The following NUDT14 variants were observed in gnomAD, a reference collection of about 807,000 sequenced individuals.
NUDT14 encodes the protein nudix hydrolase 14.
NUDT14 carries 22 observed loss-of-function variants against 17.5 expected under a neutral mutation model. That is an observed-to-expected ratio of 1.26 (90% confidence interval 0.90 to 1.80). The LOEUF is 1.80. NUDT14 is among the 40% of genes most tolerant of loss of function. NUDT14 has a pLI of 0.00. For missense variants in NUDT14, 296 were observed against 295.6 expected (o/e 1.00, Z -0.01); for synonymous variants, 129 against 125.8 (o/e 1.03, Z -0.17).
intron 4 of NUDT14, among the ~76,000 whole-genome samples, chr14:105,174,391 C>T (rs751883081): frequency 8.5e-5 from 13 of 152,158 alleles, no homozygotes; most frequent in South Asian, 2.1e-4. Flanking sequence ...AGCCCTGGCT[C>T]GCCGCAGGAG....
Position 105,173,220 on chromosome 14 carries a change from T to C in NUDT14, c.470A>G (p.Tyr157Cys). Residue 157 changes from tyrosine (Y) to cysteine (C), a missense_variant, in exon 5 of 5, where the codon TAC becomes TGC. Tyr to Cys is a radical substitution (Grantham distance 194). Transcript: ENST00000392568. The surrounding 1 kb of genome is among the most constrained non-coding windows in gnomAD (Gnocchi z 4.7). ...GLTGSRQTMF[Y>C]TEVTDAQRSG... ...ACGCTGGGCATCTGTCACCTCTGTG[T>C]AGAACATGGTCTGTCTGGAGCCAGT... is the stretch of plus-strand genomic sequence containing the variant. The C allele has an allele frequency of 2.5e-6, 4 of 1,604,726 alleles. No individual in the cohort carries two copies. Among genetic ancestry groups the C allele is most frequent in the Non-Finnish European group, 3.4e-6 (4 of 1,176,396 alleles).
chr14:105,179,021 A>G (rs1419619255), intron 1 of NUDT14, among the ~76,000 whole-genome samples: 2 of 152,132 alleles, frequency 1.3e-5, no homozygotes, highest in African/African-American at 4.8e-5. Flanking sequence ...CAGCCAGGGC[A>G]GGCTCCAGGG....
rs752515273 is a variant in NUDT14 at position 105,177,709 on chromosome 14, G to A, written c.108C>T (p.Phe36=). ...GCTCTCACCTGTCATGCGTCTTCAT[G>A]AAGTCCCAGGACTTCTGGGCACCAT... ...RQNGAQKSWD[F]MKTHDSVTVL... Residue 36 remains phenylalanine (F), a synonymous_variant, in exon 2 of 5, where the codon TTC becomes TTT. Coordinates refer to ENST00000392568, the MANE Select transcript of NUDT14 (RefSeq NM_177533.5). The A allele has an allele frequency of 3.1e-6, 5 of 1,612,382 alleles. No individual in the cohort carries two copies. The South Asian group carries it at 5.5e-5, about 18-fold the overall frequency.
In NUDT14 at chr14:105,173,698, CCA is replaced by C. The variant is rs1189529254; in HGVS notation, c.429-439_429-438del. The C allele has an allele frequency of 3.3e-4, 51 of 155,834 alleles. No individual in the cohort carries two copies. The highest frequency in any genetic ancestry group is 3.2e-3 in the Admixed American group (50 of 15,386). The allele number at this position is 155,834 out of a possible 1,614,324, so 9.7% of individuals were successfully genotyped here. ...CCAACAGCCAGCAGGGAGGTGGGAC[CCA>C]GTCCCCAGCCACCAGGAGCTGAATT... On this transcript the variant is annotated intron_variant, in intron 4 of 4. Coordinates refer to ENST00000392568, the MANE Select transcript of NUDT14 (RefSeq NM_177533.5). This position sits in a 1 kb window ranked among gnomAD's most constrained non-coding sequence, Gnocchi z 4.7.
At chr14:105,177,285 C>A (rs1889236431) in intron 2 of NUDT14, 1 of 625,382 alleles carries the variant, frequency 1.6e-6, no homozygotes, top group South Asian at 1.7e-5. Context: ...GACACACGGG[C>A]AGCTGAGTAG....
Position 105,176,943 on chromosome 14 carries a change from C to T in NUDT14, c.190+20G>A. ...TGAAGGTGACCCTGCAGATCCCCTT[C>T]CCACCCCAGCTGGCCTCACCTGGCC... On this transcript the variant is annotated intron_variant, in intron 3 of 4. Transcript: ENST00000392568. 1 of 1,610,026 alleles carries T rather than the reference C, an allele frequency of 6.2e-7. No homozygotes were observed. The highest frequency in any genetic ancestry group is 8.5e-7 in the Non-Finnish European group (1 of 1,178,560).
At position 105,181,233 on chromosome 14, in the gene NUDT14, C is replaced by A; in HGVS notation, c.-24G>T. 3.9e-6 allele frequency: 1 copy of A among 254,244 alleles called. No homozygotes were observed. 15.7% of individuals were successfully genotyped at this position (254,244 alleles called of 1,614,324 possible). A position where few individuals can be genotyped will look rare whatever the true frequency, so the allele number is the denominator to read the frequency against. On this transcript the variant is annotated 5_prime_UTR_variant, in exon 1 of 5. Coordinates refer to ENST00000392568, the MANE Select transcript of NUDT14 (RefSeq NM_177533.5). This position sits in a 1 kb window ranked among gnomAD's most constrained non-coding sequence, Gnocchi z 5.0. The stretch of plus-strand genomic sequence containing the variant: ...ATGGCGGCGCCCGGACAGGCGGGGG[C>A]CGCGAGCTCTGCGGGGGCCGACACG...
Position 105,176,589 on chromosome 14 carries a change from C to T in NUDT14, c.373G>A (p.Glu125Lys), listed in dbSNP as rs2141007394. ...GGGGCCAAGTGGTAGCCACACTCCT[C>T]CCAAGCCTCCTTGCAAGCCACTTCC... ...LEEVACKEAW[E>K]ECGYHLAPSD... The change falls in exon 4 of 5, where the codon GAG becomes AAG. Residue 125 changes from glutamate to lysine, a missense_variant. Transcript: ENST00000392568. 6.2e-7 allele frequency: 1 copy of T among 1,612,702 alleles called. No homozygotes were observed. The highest frequency in any genetic ancestry group is 1.1e-5 in the South Asian group (1 of 91,082).
At chr14:105,178,559 T>C (rs1314293700) in intron 1 of NUDT14, among the ~76,000 whole-genome samples, 1 of 152,130 alleles carries the variant, frequency 6.6e-6, no homozygotes, top group Non-Finnish European at 1.5e-5. Flanking sequence ...CTGGAACTGA[T>C]GCATTCTGAG....
intron 1 of NUDT14, among the ~76,000 whole-genome samples, chr14:105,180,269 C>T (rs2141305133): frequency 6.6e-6 from 1 of 152,238 alleles, no homozygotes; most frequent in African/African-American, 2.4e-5. Context: ...AGTTCAAGAC[C>T]AGCCTGGGCA....
In NUDT14 at chr14:105,176,882, C is replaced by T. The variant is rs1229649643; in HGVS notation, c.190+81G>A. On this transcript the variant is annotated intron_variant, in intron 3 of 4. Coordinates refer to ENST00000392568, the MANE Select transcript of NUDT14 (RefSeq NM_177533.5). ...CTCAGCTTCCCCTGGAGCCCCCTCC[C>T]ACATCTGTATTCAGACCCTCAGGAC... is the stretch of plus-strand genomic sequence containing the variant. 7.0e-6 allele frequency: 11 copies of T among 1,561,516 alleles called. 1 individual carries two copies. In the East Asian group the frequency reaches 2.5e-4, roughly 35 times the overall value.
rs758061885 is a variant in NUDT14, at chr14:105,176,992, C to G, written c.161G>C (p.Ser54Thr). 5.0e-6 allele frequency: 8 copies of G among 1,612,004 alleles called. No homozygotes were observed. In the Admixed American group the frequency reaches 6.7e-5, roughly 13 times the overall value. The change falls in exon 3 of 5, where the codon AGC becomes ACC. Residue 54 changes from serine to threonine, a missense_variant. By Grantham distance (58) the Ser-to-Thr change is moderately conservative (BLOSUM62 1). Transcript: ENST00000392568. ...TVLLFNSSRR[S>T]LVLVKQFRPA... ...CCGGAACTGCTTCACCAACACCAGG[C>G]TCCTCCGAGAAGAGTTGAATAAGAG...
chr14:105,179,715 G>A (rs951204655), intron 1 of NUDT14, among the ~76,000 whole-genome samples: 1 of 152,174 alleles, frequency 6.6e-6, no homozygotes, highest in Non-Finnish European at 1.5e-5. Context: ...GCTGTACCCC[G>A]ACTGATCCCA....
rs780215347 is a variant in NUDT14, at chr14:105,173,141, G to A, written c.549C>T (p.His183=). 17 of 1,609,938 alleles carry A rather than the reference G, an allele frequency of 1.1e-5. No homozygotes were observed. The highest frequency in any genetic ancestry group is 4.5e-5 in the East Asian group (2 of 44,796). The change falls in exon 5 of 5, where the codon CAC becomes CAT. Residue 183 remains histidine, a synonymous_variant. Transcript: ENST00000392568. This position sits in a 1 kb window ranked among gnomAD's most constrained non-coding sequence, Gnocchi z 4.7. ...VEEGELIEVV[H]LPLEGAQAFA... Reference sequence around the variant, plus strand: ...AGGCCTGGGCGCCTTCCAGGGGCAGGTGCACCACCTCAATGAGCTCACCCT... The same window carrying A: ...AGGCCTGGGCGCCTTCCAGGGGCAGATGCACCACCTCAATGAGCTCACCCT...
At chr14:105,180,651 G>A (rs1461361324) in intron 1 of NUDT14, among the ~76,000 whole-genome samples, 3 of 152,078 alleles carry the variant, frequency 2.0e-5, no homozygotes, top group African/African-American at 7.2e-5. Flanking sequence ...CCCCAAGGAG[G>A]AAGCCTGCTT....
chr14:105,177,576 G>T, intron 2 of NUDT14, 116 bp downstream of exon 2: 1 of 938,722 alleles, frequency 1.1e-6, no homozygotes, highest in Non-Finnish European at 1.7e-6. Flanking sequence ...GACTTTTGGA[G>T]CCCACGCAGG....
In NUDT14 at chr14:105,172,967, C is replaced by T. The variant is rs1194109293; in HGVS notation, c.*54G>A. 1.4e-5 allele frequency: 20 copies of T among 1,448,492 alleles called. No homozygotes were observed. The highest frequency in any genetic ancestry group is 1.0e-4 in the East Asian group (4 of 39,080). The allele number at this position is 1,448,492 out of a possible 1,614,324, so 89.7% of individuals were successfully genotyped here. A position where few individuals can be genotyped will look rare whatever the true frequency, so the allele number is the denominator to read the frequency against. On this transcript the variant is annotated 3_prime_UTR_variant, in exon 5 of 5. Coordinates refer to ENST00000392568, the MANE Select transcript of NUDT14 (RefSeq NM_177533.5). ...AGCTATGCAAGCCTTTATTGGGGTCCGCGGGGTGTGGGGTGAGTGGCCAAG... is the reference window on the plus strand; with the variant it reads ...AGCTATGCAAGCCTTTATTGGGGTCTGCGGGGTGTGGGGTGAGTGGCCAAG...
chr14:105,180,736 C>T (rs1889308294), intron 1 of NUDT14, among the ~76,000 whole-genome samples: 1 of 152,156 alleles, frequency 6.6e-6, no homozygotes, highest in Non-Finnish European at 1.5e-5. Context: ...TCCTTGCTCC[C>T]TCCTCCTCGG....
At chr14:105,180,552 T>C (rs955869060) in intron 1 of NUDT14, among the ~76,000 whole-genome samples, 1 of 152,196 alleles carries the variant, frequency 6.6e-6, no homozygotes, top group Non-Finnish European at 1.5e-5. Flanking sequence ...TGCCGTGGCC[T>C]GGCATGGGAG....
Sources: gnomAD v4.1 joint callset for allele counts (sites outside exome capture counted in the v4.1 genomes callset) on GRCh38, gnomAD v4.1.1 for gene constraint, Gnocchi (gnomAD v3.1) non-coding constraint, MANE v1.5 for transcripts, NCBI Gene and HGNC (gene_info 2026-07-23, HGNC 2026-07-21) for gene names.